The following NKAIN2 variants were observed in gnomAD, a reference collection of about 807,000 sequenced individuals.
The protein encoded by NKAIN2 is sodium/potassium-transporting ATPase subunit beta-1-interacting protein 2.
A neutral mutation model predicts 32.6 loss-of-function variants in NKAIN2; 14 were observed. That is an observed-to-expected ratio of 0.43 (90% CI 0.28 to 0.67). NKAIN2 has a LOEUF of 0.67. NKAIN2 is among the 30% of genes least tolerant of loss of function. The pLI is 0.17. For synonymous variants in NKAIN2, 80 were observed against 87.2 expected (o/e 0.92, Z 0.46); for missense variants, 198 against 258.3 (o/e 0.77, Z 1.60).
chr6:123,814,750 C>T (rs956887006), intron 1 of NKAIN2, among the ~76,000 whole-genome samples: 12 of 152,132 alleles, frequency 7.9e-5, no homozygotes, highest in Admixed American at 2.6e-4. Flanking sequence ...AGGGTCATTG[C>T]ATATTTCCTA....
At chr6:124,445,091 G>A (rs561544383) in intron 3 of NKAIN2, among the ~76,000 whole-genome samples, 1 of 152,000 alleles carries the variant, frequency 6.6e-6, no homozygotes, top group Non-Finnish European at 1.5e-5. Context: ...CGAAACCTCT[G>A]CAAGGATGTC....
At chr6:123,858,250 G>A (rs1397841834) in intron 1 of NKAIN2, among the ~76,000 whole-genome samples, 2 of 151,796 alleles carry the variant, frequency 1.3e-5, no homozygotes, top group African/African-American at 4.8e-5. Flanking sequence ...CAAGTAGTTG[G>A]GATTACAGGT....
intron 2 of NKAIN2, among the ~76,000 whole-genome samples, chr6:124,301,644 G>A (rs1437347228): frequency 1.3e-5 from 2 of 152,200 alleles, no homozygotes; most frequent in Non-Finnish European, 2.9e-5. Context: ...TATTGTATCA[G>A]TATGACCTGG....
intron 1 of NKAIN2, among the ~76,000 whole-genome samples, chr6:123,961,625 T>G (rs1777856805): frequency 6.6e-6 from 1 of 152,204 alleles, no homozygotes; most frequent in Non-Finnish European, 1.5e-5. Context: ...TGGCTAAGGT[T>G]GTATTGGAGA....
chr6:124,387,294 GT>G (rs5879731), intron 3 of NKAIN2, among the ~76,000 whole-genome samples: 83,423 of 146,300 alleles, frequency 0.57, 23,419 homozygotes, highest in South Asian at 0.64. Flanking sequence ...CTAATTAAAG[GT>G]TTTTTTTTTT....
intron 4 of NKAIN2, among the ~76,000 whole-genome samples, chr6:124,671,666 T>G (rs939694426): frequency 6.6e-6 from 1 of 152,198 alleles, no homozygotes; most frequent in Admixed American, 6.6e-5. Context: ...ATAAAAACTA[T>G]ATAGAGCCTC....
At chr6:123,850,691 C>T (rs887296000) in intron 1 of NKAIN2, among the ~76,000 whole-genome samples, 3 of 152,092 alleles carry the variant, frequency 2.0e-5, no homozygotes, top group African/African-American at 4.8e-5. Flanking sequence ...CTAAATTGAG[C>T]GAATGAACGT....
chr6:124,160,085 C>T (rs1307743386), intron 1 of NKAIN2, among the ~76,000 whole-genome samples: 1 of 152,150 alleles, frequency 6.6e-6, no homozygotes, highest in African/African-American at 2.4e-5. Flanking sequence ...CCCTAGCTTA[C>T]AGATCCTCCC....
At chr6:124,441,776 A>T (rs774506075) in intron 3 of NKAIN2, among the ~76,000 whole-genome samples, 4 of 152,086 alleles carry the variant, frequency 2.6e-5, no homozygotes, top group Non-Finnish European at 4.4e-5. Context: ...CTGTGCAGCG[A>T]TAAATAAACA....
At chr6:124,257,310 T>A (rs1318266503) in intron 1 of NKAIN2, among the ~76,000 whole-genome samples, 1 of 152,184 alleles carries the variant, frequency 6.6e-6, no homozygotes, top group Non-Finnish European at 1.5e-5. Flanking sequence ...AACTCCTAAC[T>A]GATGGAGCCA....
chr6:124,020,851 C>A (rs1309539094), intron 1 of NKAIN2, among the ~76,000 whole-genome samples: 1 of 151,952 alleles, frequency 6.6e-6, no homozygotes, highest in Non-Finnish European at 1.5e-5. Context: ...TTTCAGTAAA[C>A]TTAAAGAAGA....
At chr6:124,215,428 C>A (rs1381125247) in intron 1 of NKAIN2, among the ~76,000 whole-genome samples, 1 of 152,004 alleles carries the variant, frequency 6.6e-6, no homozygotes, top group Non-Finnish European at 1.5e-5. Flanking sequence ...GGGCCCAATC[C>A]TTATGTGCTG....
chr6:123,923,960 A>T (rs986619508), intron 1 of NKAIN2, among the ~76,000 whole-genome samples: 1 of 152,066 alleles, frequency 6.6e-6, no homozygotes, highest in South Asian at 2.1e-4. Flanking sequence ...AAATAAAAAA[A>T]ATTAAAAAAA....
intron 1 of NKAIN2, among the ~76,000 whole-genome samples, chr6:123,809,107 A>G (rs1773344319): frequency 6.6e-6 from 1 of 152,140 alleles, no homozygotes; most frequent in African/African-American, 2.4e-5. Flanking sequence ...CTTTTTTCAT[A>G]AGCAGTTTTG....
chr6:123,858,738 C>T (rs1775661277), intron 1 of NKAIN2, among the ~76,000 whole-genome samples: 1 of 152,116 alleles, frequency 6.6e-6, no homozygotes, highest in African/African-American at 2.4e-5. Flanking sequence ...GAAATAAGTT[C>T]AGCACATTAT....
At chr6:124,713,472 C>A (rs1051689241) in intron 4 of NKAIN2, among the ~76,000 whole-genome samples, 7 of 152,054 alleles carry the variant, frequency 4.6e-5, no homozygotes, top group Non-Finnish European at 1.5e-5. Context: ...TAAAACTTTC[C>A]AATAAAGACA....
intron 2 of NKAIN2, among the ~76,000 whole-genome samples, chr6:124,318,095 T>A (rs1459141907): frequency 6.6e-6 from 1 of 152,082 alleles, no homozygotes; most frequent in Admixed American, 6.6e-5. Context: ...CCATGTCTTC[T>A]GCTAAAGCCT....
chr6:124,231,957 T>A (rs974730442), intron 1 of NKAIN2, among the ~76,000 whole-genome samples: 1 of 152,136 alleles, frequency 6.6e-6, no homozygotes, highest in Non-Finnish European at 1.5e-5. Flanking sequence ...GACCCTGTCT[T>A]CTCTATCTTC....
At chr6:124,781,124 T>C (rs905473105) in intron 4 of NKAIN2, among the ~76,000 whole-genome samples, 2 of 152,150 alleles carry the variant, frequency 1.3e-5, no homozygotes, top group South Asian at 4.1e-4. Flanking sequence ...ACTCTGATTA[T>C]TAGAATCTTA....
Sources: allele counts gnomAD v4.1 joint callset (sites outside exome capture counted in the v4.1 genomes callset), GRCh38; gene constraint gnomAD v4.1.1; transcripts MANE v1.5; gene names NCBI Gene and HGNC (gene_info 2026-07-23, HGNC 2026-07-21).